The following UBE2E2 variants were observed in gnomAD, a reference collection of about 807,000 sequenced individuals.
UBE2E2 encodes ubiquitin conjugating enzyme E2 E2, also known as ubiquitin-conjugating enzyme E2 E2.
UBE2E2 carries 6 observed loss-of-function variants against 24.7 expected under a neutral mutation model. That is an observed-to-expected ratio of 0.24 (90% CI 0.13 to 0.48). The LOEUF (loss-of-function observed/expected upper bound fraction) is 0.48, where lower values mean the gene tolerates loss of function less well. Among genes scored for constraint, UBE2E2 ranks in the 20% least tolerant of loss-of-function variants. The probability of loss-of-function intolerance (pLI) is 0.99; values close to 1 mark genes in which losing one functional copy is unlikely to be tolerated. For synonymous variants in UBE2E2, 104 were observed against 83.6 expected (o/e 1.24, Z -1.33); for missense variants, 169 against 245.0 (o/e 0.69, Z 2.07).
intron 3 of UBE2E2, among the ~76,000 whole-genome samples, chr3:23,365,995 A>G (rs1198446680): frequency 6.6e-6 from 1 of 152,204 alleles, no homozygotes; most frequent in Non-Finnish European, 1.5e-5. Context: ...CAAAGTCGAC[A>G]AAAACAAGCT....
chr3:23,424,685 A>G (rs1260005948), intron 3 of UBE2E2, among the ~76,000 whole-genome samples: 2 of 152,176 alleles, frequency 1.3e-5, no homozygotes, highest in African/African-American at 4.8e-5. Flanking sequence ...ACATAAAATG[A>G]TGTCAGTTTG....
intron 3 of UBE2E2, among the ~76,000 whole-genome samples, chr3:23,319,187 C>G (rs931495193): frequency 3.3e-5 from 5 of 152,136 alleles, no homozygotes; most frequent in Non-Finnish European, 7.4e-5. Flanking sequence ...TGGTTAAAAT[C>G]TGGTTTTATA....
intron 3 of UBE2E2, among the ~76,000 whole-genome samples, chr3:23,220,779 C>G (rs1393067452): frequency 1.3e-5 from 2 of 152,176 alleles, no homozygotes; most frequent in African/African-American, 4.8e-5. Context: ...TTACAGACCT[C>G]TAACAGGTAG....
intron 3 of UBE2E2, among the ~76,000 whole-genome samples, chr3:23,286,357 C>A (rs2125375285): frequency 6.6e-6 from 1 of 152,214 alleles, no homozygotes; most frequent in South Asian, 2.1e-4. Flanking sequence ...TAGTTTCAGT[C>A]TTCTGCATAT....
intron 4 of UBE2E2, among the ~76,000 whole-genome samples, chr3:23,526,446 C>T (rs937119292): frequency 6.6e-6 from 1 of 152,194 alleles, no homozygotes; most frequent in Non-Finnish European, 1.5e-5. Context: ...AGACCACGAG[C>T]CTGTGGTGTG....
At chr3:23,291,970 T>C (rs1464211362) in intron 3 of UBE2E2, among the ~76,000 whole-genome samples, 1 of 149,750 alleles carries the variant, frequency 6.7e-6, no homozygotes, top group African/African-American at 2.5e-5. Flanking sequence ...GCCATTCTCC[T>C]GCCTCAGCCT....
At chr3:23,398,958 G>T (rs915086046) in intron 3 of UBE2E2, among the ~76,000 whole-genome samples, 1 of 152,042 alleles carries the variant, frequency 6.6e-6, no homozygotes, top group East Asian at 1.9e-4. Context: ...GAAATTAGTC[G>T]CCCTTTATAC....
chr3:23,396,069 T>C (rs1697065494), intron 3 of UBE2E2, among the ~76,000 whole-genome samples: 1 of 151,978 alleles, frequency 6.6e-6, no homozygotes, highest in South Asian at 2.1e-4. Flanking sequence ...AGAATAGTTC[T>C]TTTGATTGTT....
intron 4 of UBE2E2, 86 bp downstream of exon 4, chr3:23,499,826 A>G (rs1274557762): frequency 1.4e-6 from 2 of 1,443,296 alleles, no homozygotes; most frequent in South Asian, 3.0e-5. Context: ...CATTCTAGGG[A>G]TGCATGTCTA....
chr3:23,316,857 G>T (rs1224302548), intron 3 of UBE2E2, among the ~76,000 whole-genome samples: 2 of 152,054 alleles, frequency 1.3e-5, no homozygotes, highest in Non-Finnish European at 2.9e-5. Flanking sequence ...CTTCAAGGCA[G>T]TGGGCTCACT....
chr3:23,554,703 C>T (rs1451991869), intron 5 of UBE2E2, among the ~76,000 whole-genome samples: 1 of 151,964 alleles, frequency 6.6e-6, no homozygotes, highest in Admixed American at 6.6e-5. Flanking sequence ...GCTCAGGCTA[C>T]AAAAGCAAAA....
At chr3:23,308,746 T>C (rs1041610133) in intron 3 of UBE2E2, among the ~76,000 whole-genome samples, 1 of 152,138 alleles carries the variant, frequency 6.6e-6, no homozygotes, top group African/African-American at 2.4e-5. Context: ...ATTCATGCTA[T>C]TACATAGGTG....
chr3:23,562,349 C>G (rs1044020720), intron 5 of UBE2E2, among the ~76,000 whole-genome samples: 2 of 152,122 alleles, frequency 1.3e-5, no homozygotes, highest in African/African-American at 4.8e-5. Flanking sequence ...GTCTTTGGTT[C>G]TATTTATATG....
intron 3 of UBE2E2, among the ~76,000 whole-genome samples, chr3:23,473,874 A>G (rs1310405393): frequency 6.6e-6 from 1 of 152,070 alleles, no homozygotes; most frequent in South Asian, 2.1e-4. Context: ...TGCATGTACA[A>G]GTACCTTTTT....
intron 3 of UBE2E2, among the ~76,000 whole-genome samples, chr3:23,231,195 A>G (rs183254408): frequency 2.6e-5 from 4 of 152,304 alleles, no homozygotes; most frequent in East Asian, 1.9e-4. Context: ...CTCTTCACCC[A>G]TAGATTGTGA....
intron 5 of UBE2E2, among the ~76,000 whole-genome samples, chr3:23,559,797 T>C (rs1457639486): frequency 1.3e-5 from 2 of 152,214 alleles, no homozygotes; most frequent in Admixed American, 6.6e-5. Flanking sequence ...TTTAATTCTT[T>C]TGTTATCTTT....
At chr3:23,565,654 T>G (rs1365383912) in intron 5 of UBE2E2, among the ~76,000 whole-genome samples, 1 of 151,938 alleles carries the variant, frequency 6.6e-6, no homozygotes. Flanking sequence ...AAAGGGAAGT[T>G]GGCTCAACTC....
Position 23,477,060 on chromosome 3 carries a change from A to G in UBE2E2, c.228-22548A>G, listed in dbSNP as rs1420042018. ...ATCATTTTAAAATTTTACATTGTGA[A>G]TACTTAGCATGCTGTGGTCATAAAC... On this transcript the variant is annotated intron_variant, in intron 3 of 5. Transcript: ENST00000396703. Among the ~76,000 whole-genome samples the G allele has an allele frequency of 1.3e-5, 2 of 151,952 alleles. 1 individual carries two copies. Among genetic ancestry groups the G allele is most frequent in the African/African-American group, 4.9e-5 (2 of 41,184 alleles).
In UBE2E2 at chr3:23,335,442, A is replaced by G. The variant is rs1171516152; in HGVS notation, c.227+118130A>G. ...TTGCGGAGGTAGTAAAATAAACTAT[A>G]GTATTTCTTGGATTTGCTTATTTCT... is the stretch of plus-strand genomic sequence containing the variant. On this transcript the variant is annotated intron_variant, in intron 3 of 5. Transcript: ENST00000396703. 3.3e-5 allele frequency among the ~76,000 whole-genome samples: 5 copies of G among 152,288 alleles called. No individual in the cohort carries two copies. In the East Asian group the frequency reaches 9.6e-4, roughly 29 times the overall value.
Sources: gnomAD v4.1 joint callset for allele counts (sites outside exome capture counted in the v4.1 genomes callset) on GRCh38, gnomAD v4.1.1 for gene constraint, MANE v1.5 for transcripts, NCBI Gene and HGNC (gene_info 2026-07-23, HGNC 2026-07-21) for gene names.